The following POU2F2 variants were observed in gnomAD, a reference collection of about 807,000 sequenced individuals.
POU2F2 encodes the protein POU class 2 homeobox 2.
POU2F2 carries 14 observed loss-of-function variants against 63.5 expected under a neutral mutation model. The ratio of observed to expected loss-of-function variants is 0.22; its 90% CI spans 0.15 to 0.34. The LOEUF (loss-of-function observed/expected upper bound fraction) is 0.34, where lower values mean the gene tolerates loss of function less well. POU2F2 is among the 10% of genes least tolerant of loss of function. The pLI, the probability that POU2F2 is intolerant of heterozygous loss-of-function variation, is 1.00. For synonymous variants in POU2F2, 306 were observed against 348.6 expected (o/e 0.88, Z 1.36); for missense variants, 607 against 815.2 (o/e 0.74, Z 3.11).
At chr19:42,172,714 T>C (rs2034794663) in intron 1 of POU2F2, among the ~76,000 whole-genome samples, 1 of 152,122 alleles carries the variant, frequency 6.6e-6, no homozygotes. Context: ...TGGAACGAGC[T>C]CAACCATGCT....
intron 5 of POU2F2, chr19:42,110,869 G>A: frequency 2.7e-6 from 1 of 371,484 alleles, no homozygotes; most frequent in Non-Finnish European, 5.6e-6. Context: ...TTCTCTCCCA[G>A]GGCCTCAGTT....
chr19:42,112,018 A>G (rs2031181609), intron 5 of POU2F2, among the ~76,000 whole-genome samples: 1 of 152,208 alleles, frequency 6.6e-6, no homozygotes, highest in Non-Finnish European at 1.5e-5. Flanking sequence ...ACAGGGAGAA[A>G]AAAATACCTA....
At chr19:42,150,200 C>G (rs1568414633) in intron 2 of POU2F2, among the ~76,000 whole-genome samples, 1 of 152,110 alleles carries the variant, frequency 6.6e-6, no homozygotes, top group Non-Finnish European at 1.5e-5. Flanking sequence ...CCTACCCATC[C>G]CTGTGCCCCC....
At position 42,106,781 on chromosome 19, in the gene POU2F2, G is replaced by A. The variant is rs914566606; in HGVS notation, c.370-6960C>T. Among the ~76,000 whole-genome samples the A allele has an allele frequency of 4.0e-5, 6 of 148,518 alleles. No individual in the cohort carries two copies. In the Middle Eastern group the frequency reaches 0.01, roughly 258 times the overall value. Reference sequence around the variant, plus strand: ...AAAACAAGAAGGAGGAAGAGGAGAAGGAGGAAGAGGAGGAGGAGGAGGAAG... The same window carrying A: ...AAAACAAGAAGGAGGAAGAGGAGAAAGAGGAAGAGGAGGAGGAGGAGGAAG... On this transcript the variant is annotated intron_variant, in intron 5 of 14. Transcript: ENST00000692977.
chr19:42,133,498 G>A (rs763349774), upstream of POU2F2: 28 of 154,646 alleles, frequency 1.8e-4, no homozygotes, highest in Middle Eastern at 1.5e-3. This position sits in a 1 kb window ranked among gnomAD's most constrained non-coding sequence, Gnocchi z 5.1. Context: ...CACCCCACAT[G>A]CCCGCCTGGG....
chr19:42,112,950 A>G (rs2031329690), intron 5 of POU2F2, among the ~76,000 whole-genome samples: 1 of 152,102 alleles, frequency 6.6e-6, no homozygotes, highest in African/African-American at 2.4e-5. Flanking sequence ...CACAGCCTGG[A>G]AGCCCCTTCC....
At chr19:42,129,096 G>T (rs976964023) in intron 1 of POU2F2, among the ~76,000 whole-genome samples, 2 of 152,034 alleles carry the variant, frequency 1.3e-5, no homozygotes, top group Non-Finnish European at 2.9e-5. Flanking sequence ...GCATTCCAAA[G>T]TGCTGGGATT....
chr19:42,139,874 G>GCAA (rs1264736413), intron 2 of POU2F2, among the ~76,000 whole-genome samples: 1 of 152,192 alleles, frequency 6.6e-6, no homozygotes, highest in Non-Finnish European at 1.5e-5. Flanking sequence ...GGTATACTCG[G>GCAA]CAACCCACTT....
At chr19:42,164,312 C>T (rs2034608270) in intron 1 of POU2F2, among the ~76,000 whole-genome samples, 1 of 150,908 alleles carries the variant, frequency 6.6e-6, no homozygotes, top group Admixed American at 6.6e-5. Flanking sequence ...AAAAAAAGGC[C>T]AGGCATAGTG....
intron 2 of POU2F2, among the ~76,000 whole-genome samples, chr19:42,147,770 A>G (rs2034261090): frequency 6.6e-6 from 1 of 152,344 alleles, no homozygotes; most frequent in South Asian, 2.1e-4. Context: ...GCGTTGGGAA[A>G]AAATCCTCTG....
chr19:42,191,794 G>A (rs1345725874), intron 1 of POU2F2, among the ~76,000 whole-genome samples: 1 of 152,178 alleles, frequency 6.6e-6, no homozygotes, highest in Non-Finnish European at 1.5e-5. Flanking sequence ...CAGGATGCTG[G>A]ATTTTGAACT....
intron 1 of POU2F2, among the ~76,000 whole-genome samples, chr19:42,164,693 G>A (rs2034615904): frequency 6.6e-6 from 1 of 151,728 alleles, no homozygotes; most frequent in Non-Finnish European, 1.5e-5. Flanking sequence ...AGGGTGCAAT[G>A]GCTCACACCT....
intron 2 of POU2F2, among the ~76,000 whole-genome samples, chr19:42,141,522 C>T (rs1197656508): frequency 7.2e-6 from 1 of 138,976 alleles, no homozygotes; most frequent in African/African-American, 2.7e-5. Flanking sequence ...GCTCTCGTTG[C>T]CCAGGCTGGA....
chr19:42,111,527 T>C lies in POU2F2; in HGVS notation c.369+5723A>G, dbSNP rs1455444719. On this transcript the variant is annotated intron_variant, in intron 5 of 14. Coordinates refer to ENST00000692977, the MANE Select transcript of POU2F2 (RefSeq NM_001394376.1). ...TTGATGTTCCCATGTGGATGATTAA[T>C]AGACTCATCAAACCCTAACATGTCC... is the stretch of plus-strand genomic sequence containing the variant. 2.6e-5 allele frequency among the ~76,000 whole-genome samples: 4 copies of C among 152,154 alleles called. No individual in the cohort carries two copies. The East Asian group carries it at 7.7e-4, about 29-fold the overall frequency.
At position 42,168,689 on chromosome 19, in the gene POU2F2, A is replaced by G. The variant is rs373275485; in HGVS notation, c.-70+7274T>C. ...TAGGGACATGCCAGAGGAGTTTTCT[A>G]GAGGGAAAAGTGCGGCATAGTGGGG... On this transcript the variant is annotated intron_variant, in intron 1 of 6. Transcript: ENST00000524801. 4.6e-5 allele frequency among the ~76,000 whole-genome samples: 7 copies of G among 152,296 alleles called. No homozygotes were observed. In the East Asian group the frequency reaches 1.4e-3, roughly 29 times the overall value.
intron 2 of POU2F2, among the ~76,000 whole-genome samples, chr19:42,158,735 G>T (rs536618888): frequency 6.6e-6 from 1 of 152,286 alleles, no homozygotes; most frequent in South Asian, 2.1e-4. Flanking sequence ...ACAAATAATT[G>T]AAATCATAGA....
At chr19:42,109,956 T>C (rs78384944) in intron 5 of POU2F2, among the ~76,000 whole-genome samples, 3,195 of 152,268 alleles carry the variant, frequency 0.021, 103 homozygotes, top group African/African-American at 0.072. Flanking sequence ...ATTTGCTACT[T>C]AAAAATAAAA....
chr19:42,106,575 A>G (rs1338048269), intron 5 of POU2F2, among the ~76,000 whole-genome samples: 1 of 152,208 alleles, frequency 6.6e-6, no homozygotes, highest in Non-Finnish European at 1.5e-5. Flanking sequence ...CATCCATGCA[A>G]TATAACCCTT....
intron 1 of POU2F2, among the ~76,000 whole-genome samples, chr19:42,192,295 T>A (rs899933647): frequency 6.6e-6 from 1 of 152,108 alleles, no homozygotes; most frequent in Non-Finnish European, 1.5e-5. Flanking sequence ...TCAACGGATG[T>A]CAACAGGGAA....
Sources: allele counts gnomAD v4.1 joint callset (sites outside exome capture counted in the v4.1 genomes callset), GRCh38; gene constraint gnomAD v4.1.1; non-coding constraint Gnocchi (gnomAD v3.1); transcripts MANE v1.5; gene names NCBI Gene and HGNC (gene_info 2026-07-23, HGNC 2026-07-21).